The following CALCOCO1 variants were observed in gnomAD, a reference collection of about 807,000 sequenced individuals.
The protein encoded by CALCOCO1 is calcium-binding and coiled-coil domain-containing protein 1.
A neutral mutation model predicts 86.3 loss-of-function variants in CALCOCO1; 44 were observed. The observed-to-expected ratio is 0.51, with a 90% CI of 0.40 to 0.66. CALCOCO1 has a LOEUF of 0.66. Ranked by LOEUF, CALCOCO1 falls within the 30% of genes least tolerant of loss-of-function variation. CALCOCO1 has a pLI of 0.00. For synonymous variants in CALCOCO1, 297 were observed against 327.6 expected, an observed-to-expected ratio of 0.91 and a Z score of 1.01; for missense variants, 708 against 851.1, an observed-to-expected ratio of 0.83 and a Z score of 2.09.
In CALCOCO1 at chr12:53,720,691, C is replaced by T. The variant is rs918700890; in HGVS notation, c.758+776G>A. 9.8e-5 allele frequency among the ~76,000 whole-genome samples: 15 copies of T among 152,294 alleles called. No homozygotes were observed. The South Asian group carries it at 1.0e-3, about 11-fold the overall frequency. Reference sequence around the variant, plus strand: ...TCTTTTAAACAGTTTTTTAAAATATCACACCTACCAGTAGTAAATGAAACA... The same window carrying T: ...TCTTTTAAACAGTTTTTTAAAATATTACACCTACCAGTAGTAAATGAAACA... On this transcript the variant is annotated intron_variant, in intron 6 of 14. Transcript: ENST00000550804.
chr12:53,723,861 A>G, intron 3 of CALCOCO1, 78 bp from the exon 4 acceptor site: 1 of 1,278,984 alleles, frequency 7.8e-7, no homozygotes, highest in Non-Finnish European at 1.1e-6. Context: ...TGTTCCATAT[A>G]CTGTTTCTTC....
chr12:53,719,811 C>G lies in CALCOCO1; in HGVS notation c.777G>C (p.Lys259Asn). ...GCTTCTCTTGTTCCCGAGTCAGGGC[C>G]TTCACTGTGTCTCTAAGCCTGTGAT... ...VELDRLRDTV[K>N]ALTREQEKLL... Residue 259 changes from lysine (K) to asparagine (N), a missense_variant, in exon 7 of 15, where the codon AAG (lysine) becomes AAC (asparagine). Coordinates refer to ENST00000550804, the MANE Select transcript of CALCOCO1 (RefSeq NM_020898.3). 6.2e-7 allele frequency: 1 copy of G among 1,613,484 alleles called. No individual in the cohort carries two copies. Among genetic ancestry groups the G allele is most frequent in the Non-Finnish European group, 8.5e-7 (1 of 1,179,548 alleles).
In CALCOCO1 at chr12:53,713,131, C is replaced by A; in HGVS notation, c.1867G>T (p.Glu623Ter). 6.2e-7 allele frequency: 1 copy of A among 1,614,132 alleles called. No individual in the cohort carries two copies. The highest frequency in any genetic ancestry group is 8.5e-7 in the Non-Finnish European group (1 of 1,179,992). Residue 623 changes from glutamate (E) to a stop codon, truncating the protein, a stop_gained, in exon 14 of 15, where the codon GAA becomes TAA. Coordinates refer to ENST00000550804, the MANE Select transcript of CALCOCO1 (RefSeq NM_020898.3). LOFTEE classifies it high-confidence loss of function. The part of the protein sequence containing the change: ...GGEEANLLLP[E>*]LGSAFYDMAS... ...ATGTCATAGAAGGCACTGCCCAGTT[C>A]AGGAAGCAGTAAGTTGGCCTCCTCA...
rs1211554839 is a variant in CALCOCO1, at chr12:53,711,581, GGAGTGT to G, written c.*357_*362del. The stretch of plus-strand genomic sequence containing the variant: ...AATTGGCTTTGGGGCATCAGACAAG[GGAGTGT>G]GAGTGTGAGTGTGTGTGTGCAGTGG... On this transcript the variant is annotated 3_prime_UTR_variant, in exon 15 of 15. Transcript: ENST00000550804. 2 of 291,140 alleles carry G rather than the reference GGAGTGT, an allele frequency of 6.9e-6. No individual in the cohort carries two copies. The highest frequency in any genetic ancestry group is 5.1e-5 in the Admixed American group (1 of 19,528). The allele number at this position is 291,140 out of a possible 1,614,324, so 18.0% of individuals were successfully genotyped here. A position where few individuals can be genotyped will look rare whatever the true frequency, so the allele number is the denominator to read the frequency against.
At chr12:53,717,849 C>A (rs558252955) in intron 7 of CALCOCO1, among the ~76,000 whole-genome samples, 7 of 152,236 alleles carry the variant, frequency 4.6e-5, no homozygotes, top group Admixed American at 4.6e-4. Flanking sequence ...CATGGTGAAA[C>A]CCCATCTCTA....
At position 53,709,765 on chromosome 12, in the gene CALCOCO1, T is replaced by TGGCATGGGAGCAGG. The variant is rs1277521620; in HGVS notation, c.*2165_*2178dup. ...TGTATGTGCGGCTTGGCAGGGGCTGTGGCATGGGAGCAGGGGCCTGGGTTC... is the reference window on the plus strand; with the variant it reads ...TGTATGTGCGGCTTGGCAGGGGCTGTGGCATGGGAGCAGGGGCATGGGAGCAGGGGCCTGGGTTC... On this transcript the variant is annotated 3_prime_UTR_variant, in exon 15 of 15. Coordinates refer to ENST00000550804, the MANE Select transcript of CALCOCO1 (RefSeq NM_020898.3). 1 of 152,510 alleles carries TGGCATGGGAGCAGG rather than the reference T, an allele frequency of 6.6e-6. No individual in the cohort carries two copies. The highest frequency in any genetic ancestry group is 1.5e-5 in the Non-Finnish European group (1 of 68,228). The allele number at this position is 152,510 out of a possible 1,614,324, so 9.4% of individuals were successfully genotyped here. A position where few individuals can be genotyped will look rare whatever the true frequency, so the allele number is the denominator to read the frequency against.
At position 53,713,750 on chromosome 12, in the gene CALCOCO1, G is replaced by A; in HGVS notation, c.1742C>T (p.Pro581Leu). The A allele has an allele frequency of 1.2e-6, 2 of 1,605,786 alleles. No individual in the cohort carries two copies. The highest frequency in any genetic ancestry group is 1.7e-6 in the Non-Finnish European group (2 of 1,176,092). Residue 581 changes from proline (P) to leucine (L), a missense_variant, in exon 13 of 15, where the codon CCC (proline) becomes CTC (leucine). Physicochemically the swap from Pro to Leu is moderately conservative, Grantham distance 98 (BLOSUM62 -3). Coordinates refer to ENST00000550804, the MANE Select transcript of CALCOCO1 (RefSeq NM_020898.3). Reference protein sequence around the residue: ...SPLVVISQPAPISPHLSGPAE... With the variant: ...SPLVVISQPALISPHLSGPAE... ...TGGCCCAGAGAGGTGAGGAGAAATG[G>A]GAGCCGGCTGGCTGATGACAACAAG...
In CALCOCO1 at chr12:53,711,968, G is replaced by T. The variant is rs758415647; in HGVS notation, c.2052C>A (p.Thr684=). ...ATCACTCAAAGGTGAAGGGGTCCTGGGTGCTGAAAAAGAAGTGTCCATCCA... is the reference window on the plus strand; with the variant it reads ...ATCACTCAAAGGTGAAGGGGTCCTGTGTGCTGAAAAAGAAGTGTCCATCCA... ...DHMDGHFFFS[T]QDPFTFE is the part of the protein sequence containing the mutation. The change falls in exon 15 of 15, where the codon ACC becomes ACA. Residue 684 remains threonine, a synonymous_variant. Coordinates refer to ENST00000550804, the MANE Select transcript of CALCOCO1 (RefSeq NM_020898.3). 6 of 1,588,346 alleles carry T rather than the reference G, an allele frequency of 3.8e-6. No homozygotes were observed. In the Admixed American group the frequency reaches 5.3e-5, roughly 14 times the overall value.
Position 53,722,011 on chromosome 12 carries a change from G to T in CALCOCO1, c.609+14C>A. 1 of 1,611,870 alleles carries T rather than the reference G, an allele frequency of 6.2e-7. No homozygotes were observed. Reference sequence around the variant, plus strand: ...AGCAGCCAGGCCCTGTCCCCTACCTGGCCCAGCTCCCACCTTGTACTGTTC... The same window carrying T: ...AGCAGCCAGGCCCTGTCCCCTACCTTGCCCAGCTCCCACCTTGTACTGTTC... On this transcript the variant is annotated intron_variant, in intron 5 of 14. Transcript: ENST00000550804.
chr12:53,716,937 C>A, intron 7 of CALCOCO1, among the ~76,000 whole-genome samples: 1 of 152,250 alleles, frequency 6.6e-6, no homozygotes, highest in Non-Finnish European at 1.5e-5. Flanking sequence ...ATTACCACCA[C>A]AACCACGTTA....
At chr12:53,713,024 TG>T in intron 14 of CALCOCO1, 75 bp downstream of exon 14, 1 of 1,396,608 alleles carries the variant, frequency 7.2e-7, no homozygotes, top group Non-Finnish European at 1.0e-6. Flanking sequence ...GAGCAGGGCC[TG>T]GTGACTGTCC....
chr12:53,721,805 G>A, intron 5 of CALCOCO1, 190 bp from the exon 6 acceptor site: 1 of 802,820 alleles, frequency 1.2e-6, no homozygotes, highest in Non-Finnish European at 2.0e-6. Flanking sequence ...CCTTACCCCA[G>A]CATTCCTATG....
At chr12:53,726,943 A>G (rs1341530030) in intron 1 of CALCOCO1, among the ~76,000 whole-genome samples, 1 of 152,186 alleles carries the variant, frequency 6.6e-6, no homozygotes, top group East Asian at 1.9e-4. Context: ...TCAGATGTTC[A>G]CATGATGGGG....
chr12:53,724,780 T>C lies in CALCOCO1; in HGVS notation c.157-33A>G, dbSNP rs116681854. The C allele has an allele frequency of 1.8e-5, 28 of 1,528,976 alleles. No individual in the cohort carries two copies. In the African/African-American group the frequency reaches 3.8e-4, roughly 21 times the overall value. The allele number at this position is 1,528,976 out of a possible 1,614,324, so 94.7% of individuals were successfully genotyped here. A position where few individuals can be genotyped will look rare whatever the true frequency, so the allele number is the denominator to read the frequency against. ...AGCCCAAGGTTGGAGAAAGGTATGG[T>C]CATGGAACTACCTTCTATGGATGGA... On this transcript the variant is annotated intron_variant, in intron 2 of 14. Coordinates refer to ENST00000550804, the MANE Select transcript of CALCOCO1 (RefSeq NM_020898.3).
rs376156316 is a variant in CALCOCO1, at chr12:53,714,084, C to T, written c.1591+49G>A. On this transcript the variant is annotated intron_variant, in intron 12 of 14. Transcript: ENST00000550804. ...GGTTACATGGAGCCTTCCTCAACAG[C>T]GGGAGGTAGAGTGGGGAAGAGGTGT... 4.9e-5 allele frequency: 72 copies of T among 1,470,232 alleles called. No homozygotes were observed. The Middle Eastern group carries it at 5.2e-4, about 11-fold the overall frequency. 91.1% of individuals were successfully genotyped at this position (1,470,232 alleles called of 1,614,324 possible).
intron 3 of CALCOCO1, chr12:53,724,392 AT>A: frequency 1.1e-5 from 5 of 473,972 alleles, no homozygotes; most frequent in Non-Finnish European, 1.5e-5. Flanking sequence ...TTACTCCCCC[AT>A]TTTTCCTTCT....
intron 13 of CALCOCO1, 49 bp from the exon 14 acceptor site, chr12:53,713,255 G>A (rs753328641): frequency 2.0e-6 from 3 of 1,471,222 alleles, no homozygotes; most frequent in Non-Finnish European, 2.8e-6. Context: ...GTCCCAAGAT[G>A]GGGGAGCAGC....
chr12:53,723,822 A>G, intron 3 of CALCOCO1, 39 bp from the exon 4 acceptor site: 1 of 1,583,056 alleles, frequency 6.3e-7, no homozygotes, highest in South Asian at 1.1e-5. Flanking sequence ...CCAATAATCC[A>G]CTGTCCTTGG....
At chr12:53,725,367 A>C in intron 1 of CALCOCO1, 101 bp from the exon 2 acceptor site, 1 of 730,030 alleles carries the variant, frequency 1.4e-6, no homozygotes, top group Non-Finnish European at 2.2e-6. Context: ...CTACACCTGG[A>C]GATAAGGCAT....
Sources: gnomAD v4.1 joint callset for allele counts (sites outside exome capture counted in the v4.1 genomes callset) on GRCh38, gnomAD v4.1.1 for gene constraint, MANE v1.5 for transcripts, NCBI Gene and HGNC (gene_info 2026-07-23, HGNC 2026-07-21) for gene names.